Variants in SMO observed in about 807,000 individuals in gnomAD.
The protein encoded by SMO is smoothened, frizzled class receptor.
SMO carries 40 observed loss-of-function variants against 81.6 expected under a neutral mutation model. That is an observed-to-expected ratio of 0.49 (90% CI 0.38 to 0.64). SMO has a LOEUF of 0.64. Among genes scored for constraint, SMO ranks in the 30% least tolerant of loss-of-function variants. SMO has a pLI of 0.00. For synonymous variants in SMO, 434 were observed against 432.1 expected (o/e 1.00, Z -0.05); for missense variants, 916 against 1,061.1 (o/e 0.86, Z 1.90).
At chr7:129,195,969 T>C (rs529469334) in intron 1 of SMO, among the ~76,000 whole-genome samples, 198 of 151,354 alleles carry the variant, frequency 1.3e-3, no homozygotes, top group African/African-American at 4.0e-3. Flanking sequence ...GGCGCGGTGG[T>C]GGGCGCCTGT....
rs182483605 is a variant in SMO, at chr7:129,209,738, T to G, written c.1466+341T>G. 5.1e-4 allele frequency: 140 copies of G among 274,066 alleles called. No individual in the cohort carries two copies. In the East Asian group the frequency reaches 0.01, roughly 20 times the overall value. 17.0% of individuals were successfully genotyped at this position (274,066 alleles called of 1,614,324 possible). A position where few individuals can be genotyped will look rare whatever the true frequency, so the allele number is the denominator to read the frequency against. On this transcript the variant is annotated intron_variant, in intron 8 of 11. Transcript: ENST00000249373. ...GCTCTCCTGCAGAGCCTGCTTTAGA[T>G]CCTGGCACAGGACTAGTTACCTCTC...
chr7:129,195,872 T>C lies in SMO; in HGVS notation c.331+6390T>C, dbSNP rs372080217. On this transcript the variant is annotated intron_variant, in intron 1 of 11. Coordinates refer to ENST00000249373, the MANE Select transcript of SMO (RefSeq NM_005631.5). ...ATCCCAGCACTTTGGGAGGTCAAGG[T>C]GGGCAGATCACGAGGTCAGGAAGTC... Among the ~76,000 whole-genome samples the C allele has an allele frequency of 1.2e-3, 177 of 151,940 alleles. No individual in the cohort carries two copies. The East Asian group carries it at 0.03, about 26-fold the overall frequency.
chr7:129,211,020 G>T lies in SMO; in HGVS notation c.1708G>T (p.Ala570Ser), dbSNP rs775441067. The T allele has an allele frequency of 1.9e-6, 3 of 1,613,958 alleles. No homozygotes were observed. In the South Asian group the frequency reaches 3.3e-5, roughly 18 times the overall value. ...GCGGATCAAGAAGAGCAAGATGATTGCCAAGGCCTTCTCTAAGCGGCACGA... is the reference window on the plus strand; with the variant it reads ...GCGGATCAAGAAGAGCAAGATGATTTCCAAGGCCTTCTCTAAGCGGCACGA... ...PKRIKKSKMIAKAFSKRHELL... is the reference protein window; with the variant it reads ...PKRIKKSKMISKAFSKRHELL... Residue 570 changes from alanine to serine, a missense_variant, in exon 10 of 12, where the codon GCC (alanine) becomes TCC (serine). Ala to Ser is a moderately conservative substitution (Grantham distance 99). Transcript: ENST00000249373. The surrounding 1 kb of genome is among the most constrained non-coding windows in gnomAD (Gnocchi z 4.6).
intron 6 of SMO, among the ~76,000 whole-genome samples, chr7:129,207,374 A>C (rs1793790946): frequency 6.6e-6 from 1 of 152,180 alleles, no homozygotes; most frequent in Non-Finnish European, 1.5e-5. Context: ...GCGTGGAATT[A>C]GTGGTCCCTA....
intron 2 of SMO, 26 bp downstream of exon 2, chr7:129,203,615 A>C: frequency 6.4e-7 from 1 of 1,572,432 alleles, no homozygotes; most frequent in Non-Finnish European, 8.6e-7. Context: ...GACAAGGTCC[A>C]GGCTCTCTGG....
chr7:129,209,872 C>T (rs1032572405), intron 8 of SMO: 2 of 179,884 alleles, frequency 1.1e-5, no homozygotes, highest in Non-Finnish European at 1.2e-5. Flanking sequence ...CTGAGAGAAG[C>T]GCAGTACCCA....
At chr7:129,209,452 GAC>G in intron 8 of SMO, 55 bp downstream of exon 8, 1 of 1,181,926 alleles carries the variant, frequency 8.5e-7, no homozygotes, top group Non-Finnish European at 1.3e-6. Flanking sequence ...AGGCCATAAA[GAC>G]ACCCACCTCC....
At chr7:129,193,435 CA>C (rs1349747433) in intron 1 of SMO, among the ~76,000 whole-genome samples, 3 of 151,976 alleles carry the variant, frequency 2.0e-5, no homozygotes, top group Admixed American at 6.6e-5. Flanking sequence ...GAGCTATTTC[CA>C]AACTTGGCTG....
chr7:129,203,324 GCTGCGT>G, intron 1 of SMO, 54 bp from the exon 2 acceptor site: 3 of 1,302,166 alleles, frequency 2.3e-6, no homozygotes, highest in Non-Finnish European at 1.1e-6. Context: ...CAGGGGTGAA[GCTGCGT>G]CTGTGGGTCA....
intron 2 of SMO, among the ~76,000 whole-genome samples, chr7:129,204,149 G>A (rs201863157): frequency 3.3e-5 from 5 of 151,542 alleles, no homozygotes; most frequent in South Asian, 2.1e-4. Context: ...CCTGGCCAAC[G>A]TGGCAAAACC....
At chr7:129,194,750 T>C (rs570486532) in intron 1 of SMO, among the ~76,000 whole-genome samples, 11 of 152,304 alleles carry the variant, frequency 7.2e-5, no homozygotes, top group African/African-American at 2.6e-4. Context: ...TTCATCCATG[T>C]TATTGCAGCT....
chr7:129,196,001 T>A (rs1053338380), intron 1 of SMO, among the ~76,000 whole-genome samples: 1 of 149,104 alleles, frequency 6.7e-6, no homozygotes, highest in Non-Finnish European at 1.5e-5. Flanking sequence ...CTCGGGAGGC[T>A]GAGGCAGGAA....
At position 129,210,271 on chromosome 7, in the gene SMO, C is replaced by G. The variant is rs1019333434; in HGVS notation, c.1467-92C>G. 1 of 1,130,088 alleles carries G rather than the reference C, an allele frequency of 8.8e-7. No homozygotes were observed. Among genetic ancestry groups the G allele is most frequent in the African/African-American group, 1.5e-5 (1 of 65,392 alleles). The allele number at this position is 1,130,088 out of a possible 1,614,324, so 70.0% of individuals were successfully genotyped here. On this transcript the variant is annotated intron_variant, in intron 8 of 11. Transcript: ENST00000249373. This position sits in a 1 kb window ranked among gnomAD's most constrained non-coding sequence, Gnocchi z 4.7. ...AGTGGGTTGTGATCACGCCACCGCA[C>G]TCTAGCCTGGGTGACAGAGCAAGAT... is the stretch of plus-strand genomic sequence containing the variant.
In SMO at chr7:129,211,502, G is replaced by A. The variant is rs1793869436; in HGVS notation, c.1802-134G>A. 5.1e-6 allele frequency: 5 copies of A among 973,220 alleles called. No individual in the cohort carries two copies. The African/African-American group carries it at 6.4e-5, about 12-fold the overall frequency. 60.3% of individuals were successfully genotyped at this position (973,220 alleles called of 1,614,324 possible). The stretch of plus-strand genomic sequence containing the variant: ...ATTCTGAAGGGGTAGAGATCACCGT[G>A]GTTACAGGGTGAGCTTTCTCTGGTG... On this transcript the variant is annotated intron_variant, in intron 10 of 11. Transcript: ENST00000249373. The surrounding 1 kb of genome is among the most constrained non-coding windows in gnomAD (Gnocchi z 4.6).
At position 129,194,757 on chromosome 7, in the gene SMO, A is replaced by G. The variant is rs139799055; in HGVS notation, c.331+5275A>G. 3.9e-3 allele frequency among the ~76,000 whole-genome samples: 591 copies of G among 151,992 alleles called. 4 individuals carry two copies. Among genetic ancestry groups the G allele is most frequent in the African/African-American group, 0.014 (564 of 41,442 alleles). On this transcript the variant is annotated intron_variant, in intron 1 of 11. Coordinates refer to ENST00000249373, the MANE Select transcript of SMO (RefSeq NM_005631.5). ...ATGTAAGATTCATCCATGTTATTGC[A>G]GCTTATTTCTTTTTTGCTTGTTTAT...
chr7:129,193,673 G>A (rs1793513057), intron 1 of SMO, among the ~76,000 whole-genome samples: 1 of 143,386 alleles, frequency 7.0e-6, no homozygotes, highest in African/African-American at 2.6e-5. Flanking sequence ...GCAGGAGAAT[G>A]GCGGGAACCC....
rs2150638079 is a variant in SMO, at chr7:129,189,287, G to C, written c.136G>C (p.Gly46Arg). The C allele has an allele frequency of 7.1e-7, 1 of 1,410,072 alleles. No individual in the cohort carries two copies. Among genetic ancestry groups the C allele is most frequent in the South Asian group, 1.5e-5 (1 of 64,938 alleles). The allele number at this position is 1,410,072 out of a possible 1,614,324, so 87.3% of individuals were successfully genotyped here. A position where few individuals can be genotyped will look rare whatever the true frequency, so the allele number is the denominator to read the frequency against. ...CGGGCCTGGGCCTCGGAGCGCGGGC[G>C]GGAGCGCGAGGAGGAGCGCGGCGGT... Reference protein sequence around the residue: ...ATGPGPRSAGGSARRSAAVTG... With the variant: ...ATGPGPRSAGRSARRSAAVTG... Residue 46 changes from glycine (G) to arginine (R), a missense_variant, in exon 1 of 12, where the codon GGG becomes CGG. Around this residue, in one of 4 missense-constraint regions of SMO, gnomAD observed 146 missense variants for 149.9 expected, o/e 0.97. Transcript: ENST00000249373. The surrounding 1 kb of genome is among the most constrained non-coding windows in gnomAD (Gnocchi z 4.7).
At position 129,195,612 on chromosome 7, in the gene SMO, T is replaced by TAA. The variant is rs534904048; in HGVS notation, c.331+6130_331+6131insAA. Among the ~76,000 whole-genome samples the TAA allele has an allele frequency of 3.3e-3, 505 of 152,320 alleles. 4 individuals are homozygous for TAA. The highest frequency in any genetic ancestry group is 0.011 in the African/African-American group (473 of 41,566). ...TTTATAGGATTACAAAGGAAATCAA[T>TAA]TATATTGACATAATAGTTATCAAAT... On this transcript the variant is annotated intron_variant, in intron 1 of 11. Coordinates refer to ENST00000249373, the MANE Select transcript of SMO (RefSeq NM_005631.5).
chr7:129,212,249 C>CT lies in SMO; in HGVS notation c.2163dup (p.Gly722TrpfsTer95). ...CTGGTGGCTGCAGGTGCCTGGGGAG[C>CT]TGGGGACTCTTGCCGACAGGGAGCG... On this transcript the variant is annotated frameshift_variant, in exon 12 of 12. Coordinates refer to ENST00000249373, the MANE Select transcript of SMO (RefSeq NM_005631.5). LOFTEE classifies it high-confidence loss of function. The surrounding 1 kb of genome is among the most constrained non-coding windows in gnomAD (Gnocchi z 5.0). 6.2e-7 allele frequency: 1 copy of CT among 1,603,006 alleles called. No homozygotes were observed. The highest frequency in any genetic ancestry group is 8.5e-7 in the Non-Finnish European group (1 of 1,174,906).
Sources: allele counts gnomAD v4.1 joint callset (sites outside exome capture counted in the v4.1 genomes callset), GRCh38; gene constraint gnomAD v4.1.1; regional missense constraint gnomAD v4.1.1; non-coding constraint Gnocchi (gnomAD v3.1); transcripts MANE v1.5; gene names NCBI Gene and HGNC (gene_info 2026-07-23, HGNC 2026-07-21).